The following TRAPPC9 variants were observed in gnomAD, a reference collection of about 807,000 sequenced individuals.
TRAPPC9 encodes the protein trafficking protein particle complex subunit 9.
A neutral mutation model predicts 124.0 loss-of-function variants in TRAPPC9; 83 were observed. That is an observed-to-expected ratio of 0.67 (90% CI 0.56 to 0.80). TRAPPC9 has a LOEUF of 0.80. TRAPPC9 is among the 30% of genes least tolerant of loss of function. The pLI, the probability that TRAPPC9 is intolerant of heterozygous loss-of-function variation, is 0.00. For synonymous variants in TRAPPC9, 638 were observed against 617.5 expected (o/e 1.03, Z -0.49); for missense variants, 1,302 against 1,508.3 (o/e 0.86, Z 2.27).
At chr8:140,336,319 C>T (rs1337842581) in intron 9 of TRAPPC9, among the ~76,000 whole-genome samples, 2 of 152,208 alleles carry the variant, frequency 1.3e-5, no homozygotes, top group African/African-American at 4.8e-5. Flanking sequence ...TAGTCTGTGG[C>T]TGCAAGCCAG....
chr8:140,219,196 G>C (rs2063274091), intron 17 of TRAPPC9, among the ~76,000 whole-genome samples: 1 of 152,108 alleles, frequency 6.6e-6, no homozygotes, highest in Non-Finnish European at 1.5e-5. Flanking sequence ...AGAAAGGAAG[G>C]GGAGAAGGAA....
chr8:140,237,229 AG>A (rs1205397328), intron 16 of TRAPPC9, among the ~76,000 whole-genome samples: 1 of 151,724 alleles, frequency 6.6e-6, no homozygotes, highest in Non-Finnish European at 1.5e-5. Context: ...GAAGATCATC[AG>A]ACAAAGAACA....
At chr8:140,349,741 C>T (rs1465128321) in intron 9 of TRAPPC9, among the ~76,000 whole-genome samples, 1 of 152,300 alleles carries the variant, frequency 6.6e-6, no homozygotes, top group South Asian at 2.1e-4. Flanking sequence ...TCAACATCCG[C>T]CCCCTTCCAG....
At chr8:140,452,419 CAAAAAA>C (rs1161960216) in intron 1 of TRAPPC9, among the ~76,000 whole-genome samples, 2 of 40,454 alleles carry the variant, frequency 4.9e-5, no homozygotes, top group Admixed American at 2.3e-4. Flanking sequence ...GACTGCATCT[CAAAAAA>C]AAAAAAAAAA....
intron 19 of TRAPPC9, among the ~76,000 whole-genome samples, chr8:139,939,699 C>G (rs1429427869): frequency 6.6e-6 from 1 of 152,242 alleles, no homozygotes; most frequent in Admixed American, 6.5e-5. Context: ...GTGCTCCCAC[C>G]TTCTGTGGCT....
intron 4 of TRAPPC9, among the ~76,000 whole-genome samples, chr8:140,434,319 A>G (rs957496523): frequency 1.6e-4 from 25 of 152,344 alleles, no homozygotes; most frequent in African/African-American, 5.8e-4. Flanking sequence ...TTCATTCATC[A>G]AGGACCAAAA....
intron 21 of TRAPPC9, among the ~76,000 whole-genome samples, chr8:139,760,187 GT>G (rs1327497878): frequency 6.6e-6 from 1 of 152,222 alleles, no homozygotes; most frequent in Non-Finnish European, 1.5e-5. Flanking sequence ...GTGTGGCTCT[GT>G]GAGTAGGGGA....
chr8:139,891,568 G>A (rs967303071), intron 20 of TRAPPC9, among the ~76,000 whole-genome samples: 6 of 152,222 alleles, frequency 3.9e-5, no homozygotes, highest in Admixed American at 1.3e-4. Flanking sequence ...CGGCACATGC[G>A]GCACCCTCCT....
chr8:140,003,664 T>C (rs1202911094), intron 18 of TRAPPC9, among the ~76,000 whole-genome samples: 5 of 150,876 alleles, frequency 3.3e-5, no homozygotes, highest in Non-Finnish European at 7.4e-5. Context: ...ATATGCCTAT[T>C]AAAATGGGTA....
intron 18 of TRAPPC9, among the ~76,000 whole-genome samples, chr8:140,021,451 ATTTCT>A (rs1839833068): frequency 6.6e-6 from 1 of 152,144 alleles, no homozygotes; most frequent in Non-Finnish European, 1.5e-5. Flanking sequence ...AAATGTTCTT[ATTTCT>A]TTAAGTAGTC....
chr8:140,357,203 T>C (rs541696236), intron 9 of TRAPPC9, among the ~76,000 whole-genome samples: 1 of 152,076 alleles, frequency 6.6e-6, no homozygotes, highest in South Asian at 2.1e-4. Context: ...TGTGAAGGCT[T>C]TCAAGAGGAG....
At chr8:139,899,120 C>CAAAAAAAAAAAAAAAACAAAAAA (rs1830852942) in intron 20 of TRAPPC9, among the ~76,000 whole-genome samples, 1 of 45,470 alleles carries the variant, frequency 2.2e-5, no homozygotes, top group Non-Finnish European at 3.8e-5. Context: ...AACTCCGTCT[C>CAAAAAAAAAAAAAAAACAAAAAA]AAAAAAAAAA....
intron 15 of TRAPPC9, among the ~76,000 whole-genome samples, chr8:140,263,498 G>C (rs970549552): frequency 3.3e-5 from 5 of 152,216 alleles, no homozygotes; most frequent in African/African-American, 1.2e-4. Context: ...ACATGTTTTA[G>C]AAAGGTGACA....
chr8:140,411,380 C>T (rs1326995486), intron 5 of TRAPPC9, among the ~76,000 whole-genome samples: 1 of 152,174 alleles, frequency 6.6e-6, no homozygotes, highest in Non-Finnish European at 1.5e-5. Flanking sequence ...TCATTCTTGT[C>T]GCCCAGGCTG....
At chr8:140,130,386 C>A (rs2061185129) in intron 17 of TRAPPC9, among the ~76,000 whole-genome samples, 1 of 152,174 alleles carries the variant, frequency 6.6e-6, no homozygotes, top group African/African-American at 2.4e-5. Context: ...GATGAACCAC[C>A]TGATAGGTAC....
chr8:139,905,955 G>C (rs926221386), intron 20 of TRAPPC9, among the ~76,000 whole-genome samples: 1 of 151,810 alleles, frequency 6.6e-6, no homozygotes, highest in African/African-American at 2.4e-5. Flanking sequence ...TTAGCCGGGC[G>C]TGGTGGTGTA....
At chr8:140,372,379 C>T (rs1215044255) in intron 7 of TRAPPC9, among the ~76,000 whole-genome samples, 5 of 152,228 alleles carry the variant, frequency 3.3e-5, no homozygotes, top group Non-Finnish European at 4.4e-5. Context: ...CCTCCATCCC[C>T]TCTCCTCCGC....
chr8:140,446,091 G>A (rs1464079575), intron 2 of TRAPPC9, among the ~76,000 whole-genome samples: 2 of 152,080 alleles, frequency 1.3e-5, no homozygotes, highest in Non-Finnish European at 2.9e-5. Flanking sequence ...TCAGGAGTTC[G>A]AGACCAGCCT....
rs924652672 is a variant in TRAPPC9 at position 139,820,030 on chromosome 8, A to T, written c.3055+65849T>A. 5.3e-5 allele frequency among the ~76,000 whole-genome samples: 8 copies of T among 150,240 alleles called. No individual in the cohort carries two copies. The South Asian group carries it at 1.7e-3, about 32-fold the overall frequency. On this transcript the variant is annotated intron_variant, in intron 21 of 22. Transcript: ENST00000438773. ...CTCAAAAAAAAAAAAAAAAAAAAAA[A>T]AGAGAAAACTACCGTCCAAAACCAT...
Sources: gnomAD v4.1 joint callset for allele counts (sites outside exome capture counted in the v4.1 genomes callset) on GRCh38, gnomAD v4.1.1 for gene constraint, MANE v1.5 for transcripts, NCBI Gene and HGNC (gene_info 2026-07-23, HGNC 2026-07-21) for gene names.